Variants in MIPEP observed in about 807,000 individuals in gnomAD.
The protein encoded by MIPEP is mitochondrial intermediate peptidase.
Under a neutral mutation model 90.3 loss-of-function variants are expected in MIPEP, and 79 were observed. The observed-to-expected ratio is 0.87, with a 90% confidence interval of 0.73 to 1.05. The LOEUF (loss-of-function observed/expected upper bound fraction) is 1.05. Ranked by LOEUF, MIPEP falls within the 50% of genes least tolerant of loss-of-function variation. The probability of loss-of-function intolerance (pLI) is 0.00; values close to 1 mark genes in which losing one functional copy is unlikely to be tolerated. For synonymous variants in MIPEP, 334 were observed against 315.8 expected (o/e 1.06, Z -0.61); for missense variants, 940 against 905.6 (o/e 1.04, Z -0.49).
At chr13:23,840,079 G>C (rs1266111059) in intron 11 of MIPEP, among the ~76,000 whole-genome samples, 1 of 152,100 alleles carries the variant, frequency 6.6e-6, no homozygotes, top group East Asian at 1.9e-4. Flanking sequence ...TTCAAATCCT[G>C]GAATGTCGTG....
chr13:23,836,259 C>T lies in MIPEP; in HGVS notation c.1634G>A (p.Arg545Lys). 6.2e-7 allele frequency: 1 copy of T among 1,602,676 alleles called. No homozygotes were observed. The highest frequency in any genetic ancestry group is 8.5e-7 in the Non-Finnish European group (1 of 1,175,216). ...NDYRVVNQFARHYQTGQPLPK... is the reference protein window; with the variant it reads ...NDYRVVNQFAKHYQTGQPLPK... ...TCCTACCTGTCCAGTCTGATAATGTCTGGCAAATTGGTTAACTACTCGATA... is the reference window on the plus strand; with the variant it reads ...TCCTACCTGTCCAGTCTGATAATGTTTGGCAAATTGGTTAACTACTCGATA... Residue 545 changes from arginine (R) to lysine (K), a missense_variant, in exon 14 of 19, where the codon AGA becomes AAA. Transcript: ENST00000382172.
chr13:23,770,781 C>T (rs770883179), intron 16 of MIPEP, among the ~76,000 whole-genome samples: 14 of 152,142 alleles, frequency 9.2e-5, no homozygotes, highest in East Asian at 1.9e-4. Flanking sequence ...GTAGAACACA[C>T]GAGTTTATTA....
intron 13 of MIPEP, 76 bp downstream of exon 13, chr13:23,837,476 A>G (rs1869104883): frequency 1.7e-6 from 2 of 1,149,822 alleles, no homozygotes; most frequent in Non-Finnish European, 2.6e-6. Flanking sequence ...TCCAAATAAA[A>G]AGCCCCTTTC....
At chr13:23,888,880 G>T in intron 1 of MIPEP, 1 of 573,314 alleles carries the variant, frequency 1.7e-6, no homozygotes, top group Non-Finnish European at 2.6e-6. Flanking sequence ...TCAGATTCAC[G>T]TGGAGCAAGG....
intron 16 of MIPEP, among the ~76,000 whole-genome samples, chr13:23,770,455 C>T (rs145044024): frequency 5.3e-5 from 8 of 152,302 alleles, no homozygotes; most frequent in East Asian, 1.9e-4. Flanking sequence ...TGTCTCAGTG[C>T]CAATTCCAGG....
chr13:23,861,815 C>A (rs555585244), intron 9 of MIPEP, among the ~76,000 whole-genome samples: 1 of 152,290 alleles, frequency 6.6e-6, no homozygotes, highest in South Asian at 2.1e-4. Flanking sequence ...TAAGGAAGAT[C>A]ATATAATCAT....
At chr13:23,870,484 T>C (rs937440405) in intron 5 of MIPEP, among the ~76,000 whole-genome samples, 5 of 152,166 alleles carry the variant, frequency 3.3e-5, no homozygotes, top group Non-Finnish European at 7.3e-5. Context: ...GTCTAGGTTA[T>C]ATAACTAATT....
Position 23,841,376 on chromosome 13 carries a change from G to C in MIPEP, c.1219C>G (p.Pro407Ala), listed in dbSNP as rs772179523. 1.2e-6 allele frequency: 2 copies of C among 1,613,850 alleles called. No individual in the cohort carries two copies. Among genetic ancestry groups the C allele is most frequent in the South Asian group, 2.2e-5 (2 of 90,982 alleles). The change falls in exon 11 of 19, where the codon CCT (proline) becomes GCT (alanine). Residue 407 changes from proline (P) to alanine (A), a missense_variant. By Grantham distance (27) the Pro-to-Ala change is conservative (BLOSUM62 -1). Transcript: ENST00000382172. The stretch of plus-strand genomic sequence containing the variant: ...TCGCTCCACACCTCTCCTTTTGCAG[G>C]CTGCTCTGCATATAATGAAATCCCC... Reference protein sequence around the residue: ...LLGISLYAEQPAKGEVWSEDV... With the variant: ...LLGISLYAEQAAKGEVWSEDV...
At chr13:23,863,267 A>G (rs1179458937) in intron 8 of MIPEP, among the ~76,000 whole-genome samples, 1 of 152,204 alleles carries the variant, frequency 6.6e-6, no homozygotes, top group Non-Finnish European at 1.5e-5. Flanking sequence ...ACTAAGGCCT[A>G]GAAGAGGGCC....
At chr13:23,880,013 T>C (rs987944857) in intron 3 of MIPEP, among the ~76,000 whole-genome samples, 1 of 151,866 alleles carries the variant, frequency 6.6e-6, no homozygotes, top group East Asian at 1.9e-4. Flanking sequence ...CATGGCCCCC[T>C]CAAAACTAAA....
chr13:23,793,213 T>C (rs1378925413), intron 16 of MIPEP, among the ~76,000 whole-genome samples: 4 of 152,198 alleles, frequency 2.6e-5, no homozygotes, highest in Non-Finnish European at 5.9e-5. Flanking sequence ...GATAAATAAG[T>C]TGTGGCATAC....
At chr13:23,755,458 A>G (rs1952481842) in intron 18 of MIPEP, among the ~76,000 whole-genome samples, 1 of 152,274 alleles carries the variant, frequency 6.6e-6, no homozygotes, top group South Asian at 2.1e-4. Context: ...AGACATTTAA[A>G]TCACACTCAT....
At chr13:23,757,659 C>A (rs779088912) in intron 17 of MIPEP, among the ~76,000 whole-genome samples, 1 of 152,148 alleles carries the variant, frequency 6.6e-6, no homozygotes, top group Non-Finnish European at 1.5e-5. Context: ...GCAAACTCCA[C>A]TGGAGTGTGC....
rs538033224 is a variant in MIPEP, at chr13:23,762,793, C to T, written c.1849-2576G>A. The stretch of plus-strand genomic sequence containing the variant: ...CCTACCTCACAGGATACCCCAACTT[C>T]AGGCCCAAATGCCACCCCCAAACAG... On this transcript the variant is annotated intron_variant, in intron 16 of 18. Transcript: ENST00000382172. 4.6e-5 allele frequency among the ~76,000 whole-genome samples: 7 copies of T among 152,312 alleles called. No individual in the cohort carries two copies. The East Asian group carries it at 1.4e-3, about 29-fold the overall frequency.
At chr13:23,816,001 T>C (rs897583573) in intron 14 of MIPEP, among the ~76,000 whole-genome samples, 2 of 152,228 alleles carry the variant, frequency 1.3e-5, no homozygotes, top group African/African-American at 2.4e-5. Context: ...CAGAATTGCA[T>C]AGTTTTGAAC....
At position 23,860,753 on chromosome 13, in the gene MIPEP, C is replaced by CT. The variant is rs111800100; in HGVS notation, c.1053+1548dup. ...ACACTGGGCTAAATACATGGCTAAA[C>CT]TGTCTGAATCCAAGACGGCTTCGAG... On this transcript the variant is annotated intron_variant, in intron 9 of 18. Transcript: ENST00000382172. 1.8e-3 allele frequency among the ~76,000 whole-genome samples: 274 copies of CT among 152,278 alleles called. 1 individual carries two copies. Among genetic ancestry groups the CT allele is most frequent in the African/African-American group, 6.4e-3 (266 of 41,552 alleles).
chr13:23,858,725 A>T, intron 10 of MIPEP, 135 bp downstream of exon 10: 1 of 715,694 alleles, frequency 1.4e-6, no homozygotes, highest in Admixed American at 2.3e-5. Context: ...TGAGTGGAGC[A>T]GACCACGCCA....
In MIPEP at chr13:23,844,686, A is replaced by AT. The variant is rs565774452; in HGVS notation, c.1107-3199dup. 1.1e-3 allele frequency among the ~76,000 whole-genome samples: 175 copies of AT among 152,314 alleles called. 1 individual carries two copies. The highest frequency in any genetic ancestry group is 4.1e-3 in the African/African-American group (169 of 41,558). On this transcript the variant is annotated intron_variant, in intron 10 of 18. Coordinates refer to ENST00000382172, the MANE Select transcript of MIPEP (RefSeq NM_005932.4). ...CTTCTTAAGATTATAATGAACATTT[A>AT]TTTTTATGGAAAAGAAACACAGTAA...
chr13:23,845,368 C>T (rs4770501), intron 10 of MIPEP, among the ~76,000 whole-genome samples: 150,920 of 152,290 alleles, frequency 0.99, 74,813 homozygotes, highest in Middle Eastern at 1. Context: ...ATGGGGGAAG[C>T]ATCCGACCAC....
Sources: gnomAD v4.1 joint callset for allele counts (sites outside exome capture counted in the v4.1 genomes callset) on GRCh38, gnomAD v4.1.1 for gene constraint, MANE v1.5 for transcripts, NCBI Gene and HGNC (gene_info 2026-07-23, HGNC 2026-07-21) for gene names.